The following ANGPT1 variants were observed in gnomAD, a reference collection of about 807,000 sequenced individuals.
The protein encoded by ANGPT1 is angiopoietin-1.
ANGPT1 carries 17 observed loss-of-function variants against 62.2 expected under a neutral mutation model. The ratio of observed to expected loss-of-function variants is 0.27; its 90% confidence interval spans 0.19 to 0.41. The LOEUF (loss-of-function observed/expected upper bound fraction) is 0.41. Among genes scored for constraint, ANGPT1 ranks in the 10% least tolerant of loss-of-function variants. The pLI is 1.00. For missense variants in ANGPT1, 478 were observed against 594.9 expected (o/e 0.80, Z 2.04); for synonymous variants, 199 against 198.9 (o/e 1.00, Z 0.00).
intron 1 of ANGPT1, among the ~76,000 whole-genome samples, chr8:107,416,600 C>G (rs576604672): frequency 2.0e-5 from 3 of 152,062 alleles, no homozygotes; most frequent in Non-Finnish European, 4.4e-5. Flanking sequence ...AGGATTGAAG[C>G]ATGGACAACC....
chr8:107,287,588 T>C (rs369274969), intron 6 of ANGPT1, among the ~76,000 whole-genome samples: 107 of 152,258 alleles, frequency 7.0e-4, no homozygotes, highest in Middle Eastern at 3.4e-3. Context: ...AACAACTGTT[T>C]CATTATAAAG....
intron 1 of ANGPT1, among the ~76,000 whole-genome samples, chr8:107,403,994 C>T (rs971944740): frequency 6.6e-6 from 1 of 152,050 alleles, no homozygotes; most frequent in Non-Finnish European, 1.5e-5. Flanking sequence ...CACCAAAAGC[C>T]TTAAATAAAG....
intron 1 of ANGPT1, among the ~76,000 whole-genome samples, chr8:107,479,268 CT>C (rs903674333): frequency 5.9e-5 from 9 of 151,976 alleles, no homozygotes; most frequent in African/African-American, 2.2e-4. Flanking sequence ...ATATATGTTG[CT>C]TTTTCCTTCT....
At chr8:107,418,701 A>G (rs1315735215) in intron 1 of ANGPT1, among the ~76,000 whole-genome samples, 1 of 152,224 alleles carries the variant, frequency 6.6e-6, no homozygotes, top group Non-Finnish European at 1.5e-5. Context: ...AAGGAGTAAA[A>G]GGGTGATAAA....
intron 1 of ANGPT1, among the ~76,000 whole-genome samples, chr8:107,364,517 G>A (rs1315581931): frequency 6.6e-6 from 1 of 152,152 alleles, no homozygotes; most frequent in Non-Finnish European, 1.5e-5. Flanking sequence ...CAGACCTCAA[G>A]CCAGCCACCT....
At chr8:107,357,788 G>A (rs1427329826) in intron 1 of ANGPT1, among the ~76,000 whole-genome samples, 1 of 152,042 alleles carries the variant, frequency 6.6e-6, no homozygotes, top group Non-Finnish European at 1.5e-5. Flanking sequence ...GGGATTTGTC[G>A]ATTTTTCAGG....
chr8:107,465,241 G>A (rs1812171122), intron 1 of ANGPT1, among the ~76,000 whole-genome samples: 1 of 152,022 alleles, frequency 6.6e-6, no homozygotes, highest in Admixed American at 6.6e-5. Flanking sequence ...TAATTGTTAA[G>A]AAAATATCCA....
chr8:107,333,165 C>CT (rs1221683747), intron 3 of ANGPT1, among the ~76,000 whole-genome samples: 1 of 151,900 alleles, frequency 6.6e-6, no homozygotes, highest in Non-Finnish European at 1.5e-5. Flanking sequence ...AAACACTTCT[C>CT]TTTTTTTTAA....
intron 1 of ANGPT1, among the ~76,000 whole-genome samples, chr8:107,441,162 A>G (rs1020021384): frequency 6.6e-6 from 1 of 152,216 alleles, no homozygotes; most frequent in South Asian, 2.1e-4. Flanking sequence ...CTTTCAAATG[A>G]TTACACAGCT....
intron 3 of ANGPT1, among the ~76,000 whole-genome samples, chr8:107,335,795 T>C (rs1815544208): frequency 6.6e-6 from 1 of 152,236 alleles, no homozygotes; most frequent in South Asian, 2.1e-4. Flanking sequence ...CTCTATTCTC[T>C]GTTGTTATAG....
chr8:107,257,870 G>GTTTTTGT (rs1813395438), intron 8 of ANGPT1, among the ~76,000 whole-genome samples: 9 of 45,240 alleles, frequency 2.0e-4, no homozygotes, highest in African/African-American at 7.4e-4. Context: ...CCAAGGACTT[G>GTTTTTGT]TTTTTGTTTC....
At chr8:107,405,257 T>C (rs1817125585) in intron 1 of ANGPT1, among the ~76,000 whole-genome samples, 1 of 151,982 alleles carries the variant, frequency 6.6e-6, no homozygotes, top group Non-Finnish European at 1.5e-5. Context: ...TAGAGCTATA[T>C]AGGAGGTATT....
chr8:107,298,990 T>C (rs928074144), intron 5 of ANGPT1, among the ~76,000 whole-genome samples: 6 of 151,630 alleles, frequency 4.0e-5, no homozygotes, highest in African/African-American at 1.5e-4. Context: ...TTTATAGGAT[T>C]GAGAGAATGC....
intron 1 of ANGPT1, among the ~76,000 whole-genome samples, chr8:107,376,191 T>C (rs1022558305): frequency 3.9e-5 from 6 of 152,322 alleles, no homozygotes; most frequent in East Asian, 1.9e-4. Flanking sequence ...TAACATTCTG[T>C]GCCTATGTTT....
At chr8:107,325,011 T>C (rs1754343733) in intron 3 of ANGPT1, among the ~76,000 whole-genome samples, 1 of 152,190 alleles carries the variant, frequency 6.6e-6, no homozygotes, top group Admixed American at 6.5e-5. Context: ...ATGAAAAACT[T>C]AGGCAAGGTA....
chr8:107,369,292 C>T (rs1319786342), intron 1 of ANGPT1, among the ~76,000 whole-genome samples: 1 of 152,192 alleles, frequency 6.6e-6, no homozygotes, highest in Admixed American at 6.5e-5. Context: ...GCTCTCTCAC[C>T]TCTCTCAGCC....
At chr8:107,387,988 G>A (rs1308980952) in intron 1 of ANGPT1, among the ~76,000 whole-genome samples, 1 of 152,048 alleles carries the variant, frequency 6.6e-6, no homozygotes, top group African/African-American at 2.4e-5. Context: ...ACCTATTTAA[G>A]AGTATGAATA....
chr8:107,491,938 T>A (rs1050360010), intron 1 of ANGPT1, among the ~76,000 whole-genome samples: 1 of 152,106 alleles, frequency 6.6e-6, no homozygotes, highest in African/African-American at 2.4e-5. Flanking sequence ...CCATAGAAAC[T>A]CATAGAAAAG....
At chr8:107,357,131 C>T (rs554101441) in intron 1 of ANGPT1, among the ~76,000 whole-genome samples, 7 of 152,236 alleles carry the variant, frequency 4.6e-5, no homozygotes, top group South Asian at 2.1e-4. Context: ...AAATAGCCAA[C>T]GCATCACTCA....
Sources: gnomAD v4.1 joint callset for allele counts (sites outside exome capture counted in the v4.1 genomes callset) on GRCh38, gnomAD v4.1.1 for gene constraint, MANE v1.5 for transcripts, NCBI Gene and HGNC (gene_info 2026-07-23, HGNC 2026-07-21) for gene names.